Variants in ADGRB3 observed in about 807,000 individuals in gnomAD.
ADGRB3 encodes brain-specific angiogenesis inhibitor 3.
Under a neutral mutation model 193.4 loss-of-function variants are expected in ADGRB3, and 37 were observed. The observed-to-expected ratio is 0.19, with a 90% CI of 0.15 to 0.25. The LOEUF (loss-of-function observed/expected upper bound fraction) is 0.25, where lower values mean the gene tolerates loss of function less well. Ranked by LOEUF, ADGRB3 falls within the 10% of genes least tolerant of loss-of-function variation. The pLI is 1.00. For missense variants in ADGRB3, 1,637 were observed against 1,852.9 expected (o/e 0.88, Z 2.14); for synonymous variants, 690 against 644.2 (o/e 1.07, Z -1.08).
At chr6:69,216,277 G>A (rs1445001939) in intron 17 of ADGRB3, among the ~76,000 whole-genome samples, 1 of 152,076 alleles carries the variant, frequency 6.6e-6, no homozygotes, top group African/African-American at 2.4e-5. Context: ...AAAGACTATT[G>A]CTTGGGGCCA....
intron 15 of ADGRB3, among the ~76,000 whole-genome samples, chr6:69,052,431 T>G (rs944225908): frequency 6.6e-6 from 1 of 152,232 alleles, no homozygotes; most frequent in Admixed American, 6.5e-5. Context: ...ATATATTCCT[T>G]GTTGAGGATT....
At chr6:69,361,579 G>A in intron 29 of ADGRB3, 67 bp downstream of exon 29, 1 of 1,485,638 alleles carries the variant, frequency 6.7e-7, no homozygotes, top group Non-Finnish European at 9.1e-7. Context: ...TAGAGATATT[G>A]ATTGATTGGT....
chr6:68,776,980 A>G (rs139051148), intron 3 of ADGRB3, among the ~76,000 whole-genome samples: 323 of 152,304 alleles, frequency 2.1e-3, no homozygotes, highest in Non-Finnish European at 3.7e-3. Flanking sequence ...AAAAATGTAT[A>G]AACTATTATA....
chr6:68,907,335 C>T (rs1766577145), intron 3 of ADGRB3, among the ~76,000 whole-genome samples: 3 of 151,890 alleles, frequency 2.0e-5, no homozygotes, highest in African/African-American at 2.4e-5. Context: ...ATTGTCTACA[C>T]ATTTAAATGA....
intron 16 of ADGRB3, among the ~76,000 whole-genome samples, chr6:69,063,770 C>A (rs1221052574): frequency 2.6e-5 from 4 of 151,886 alleles, no homozygotes; most frequent in African/African-American, 7.2e-5. Flanking sequence ...TTTGTTCAGT[C>A]CTCTGTACAA....
At chr6:68,685,955 T>A (rs1764976070) in intron 3 of ADGRB3, among the ~76,000 whole-genome samples, 1 of 152,170 alleles carries the variant, frequency 6.6e-6, no homozygotes, top group South Asian at 2.1e-4. Context: ...CTTTTGTAAG[T>A]GATGATACCA....
At chr6:68,727,970 G>A (rs1765703505) in intron 3 of ADGRB3, among the ~76,000 whole-genome samples, 1 of 151,344 alleles carries the variant, frequency 6.6e-6, no homozygotes, top group Non-Finnish European at 1.5e-5. Flanking sequence ...AAATAATCAA[G>A]CATTTATTTC....
chr6:68,880,727 C>T (rs1244867787), intron 3 of ADGRB3, among the ~76,000 whole-genome samples: 1 of 152,162 alleles, frequency 6.6e-6, no homozygotes, highest in African/African-American at 2.4e-5. Context: ...TTCCACAGAG[C>T]ATCTCCAGGA....
intron 17 of ADGRB3, among the ~76,000 whole-genome samples, chr6:69,147,083 TA>T (rs971128383): frequency 3.3e-5 from 5 of 152,102 alleles, no homozygotes; most frequent in East Asian, 1.9e-4. Context: ...TATCTTTTAT[TA>T]AAAAAACACT....
intron 20 of ADGRB3, among the ~76,000 whole-genome samples, chr6:69,286,682 A>G (rs1442253445): frequency 6.6e-6 from 1 of 152,198 alleles, no homozygotes; most frequent in Non-Finnish European, 1.5e-5. Context: ...AAAACTAGAA[A>G]CTTGAATTAA....
Position 68,786,152 on chromosome 6 carries a change from G to T in ADGRB3, c.758-144407G>T, listed in dbSNP as rs1390638370. Among the ~76,000 whole-genome samples, 3 of 152,014 alleles carry T rather than the reference G, an allele frequency of 2.0e-5. No individual in the cohort carries two copies. In the East Asian group the frequency reaches 5.8e-4, roughly 29 times the overall value. Reference sequence around the variant, plus strand: ...TCTTTTGCTGTGCAGAAGCTCTTTAGTTTAATTAGATCCCATTTGTCAATT... The same window carrying T: ...TCTTTTGCTGTGCAGAAGCTCTTTATTTTAATTAGATCCCATTTGTCAATT... On this transcript the variant is annotated intron_variant, in intron 3 of 31. Coordinates refer to ENST00000370598, the MANE Select transcript of ADGRB3 (RefSeq NM_001704.3).
chr6:68,777,312 A>G (rs2204285), intron 3 of ADGRB3, among the ~76,000 whole-genome samples: 120,299 of 152,016 alleles, frequency 0.79, 47,823 homozygotes, highest in Middle Eastern at 0.91. Context: ...ATTATCTTCA[A>G]ACGTCAACAT....
chr6:68,997,889 A>G (rs945137293), intron 11 of ADGRB3, among the ~76,000 whole-genome samples: 4 of 152,134 alleles, frequency 2.6e-5, no homozygotes, highest in Non-Finnish European at 4.4e-5. Flanking sequence ...TTGTATTTGT[A>G]TATAAAAACA....
Position 68,958,745 on chromosome 6 carries a change from TATATG to T in ADGRB3, c.1525+1938_1525+1942del, listed in dbSNP as rs1470452453. Among the ~76,000 whole-genome samples the T allele has an allele frequency of 3.9e-5, 6 of 152,152 alleles. No homozygotes were observed. The East Asian group carries it at 1.2e-3, about 29-fold the overall frequency. On this transcript the variant is annotated intron_variant, in intron 8 of 31. Coordinates refer to ENST00000370598, the MANE Select transcript of ADGRB3 (RefSeq NM_001704.3). ...ACATTTTCATTTTACTCTTTTCAATTATATGAGATGAAAATAACCATAAATTACTT... is the reference window on the plus strand; with the variant it reads ...ACATTTTCATTTTACTCTTTTCAATTAGATGAAAATAACCATAAATTACTT...
chr6:68,953,143 G>A (rs1054613280), intron 6 of ADGRB3, among the ~76,000 whole-genome samples: 1 of 151,908 alleles, frequency 6.6e-6, no homozygotes, highest in African/African-American at 2.4e-5. Flanking sequence ...TTCGACATTT[G>A]ACTTGCACAT....
At chr6:68,677,454 C>T (rs1769120857) in intron 3 of ADGRB3, among the ~76,000 whole-genome samples, 1 of 151,170 alleles carries the variant, frequency 6.6e-6, no homozygotes, top group African/African-American at 2.4e-5. Context: ...TTGAATGTTT[C>T]AATGGATCAT....
At chr6:69,291,297 C>T (rs1482620693) in intron 20 of ADGRB3, among the ~76,000 whole-genome samples, 1 of 152,018 alleles carries the variant, frequency 6.6e-6, no homozygotes, top group African/African-American at 2.4e-5. Flanking sequence ...TACTATATGA[C>T]AGCCATGTAT....
intron 11 of ADGRB3, among the ~76,000 whole-genome samples, chr6:69,001,133 A>G (rs535651453): frequency 6.6e-6 from 1 of 152,356 alleles, no homozygotes; most frequent in African/African-American, 2.4e-5. Context: ...GGTCTGAACA[A>G]CAGCAGTAAG....
At chr6:69,013,429 AAGGCAG>A (rs1769996079) in intron 11 of ADGRB3, among the ~76,000 whole-genome samples, 1 of 152,110 alleles carries the variant, frequency 6.6e-6, no homozygotes, top group Non-Finnish European at 1.5e-5. Context: ...TTGCTGGCAA[AAGGCAG>A]AGGAGTAAAG....
Sources: gnomAD v4.1 joint callset for allele counts (sites outside exome capture counted in the v4.1 genomes callset) on GRCh38, gnomAD v4.1.1 for gene constraint, MANE v1.5 for transcripts, NCBI Gene and HGNC (gene_info 2026-07-23, HGNC 2026-07-21) for gene names.